The following PHF24 variants were observed in gnomAD, a reference collection of about 807,000 sequenced individuals.
PHF24 encodes Galpha inhibitory interacting protein.
PHF24 carries 25 observed loss-of-function variants against 42.6 expected under a neutral mutation model. The observed-to-expected ratio is 0.59, with a 90% CI of 0.43 to 0.82. The LOEUF (loss-of-function observed/expected upper bound fraction) is 0.82, where lower values mean the gene tolerates loss of function less well. PHF24 is among the 40% of genes least tolerant of loss of function. The pLI, the probability that PHF24 is intolerant of heterozygous loss-of-function variation, is 0.00. For missense variants in PHF24, 470 were observed against 538.1 expected (o/e 0.87, Z 1.25); for synonymous variants, 185 against 204.8 (o/e 0.90, Z 0.83).
chr9:34,821,124 A>G, the PHF24 span, among the ~76,000 whole-genome samples: 1 of 152,210 alleles, frequency 6.6e-6, no homozygotes, highest in Non-Finnish European at 1.5e-5. Flanking sequence ...AAAATCCTGT[A>G]TCACAAGCTT....
At chr9:34,836,025 A>C in the PHF24 span, 1 of 642,216 alleles carries the variant, frequency 1.6e-6, no homozygotes, top group East Asian at 3.3e-5. Flanking sequence ...TTCGCCGCAC[A>C]CTTCCCTCTG....
chr9:34,724,429 C>G, the PHF24 span: 1 of 1,551,128 alleles, frequency 6.4e-7, no homozygotes, highest in South Asian at 1.2e-5. Context: ...GCAATGTCTC[C>G]CCTTGGTGGT....
chr9:34,935,519 G>A, the PHF24 span, among the ~76,000 whole-genome samples: 8,318 of 151,486 alleles, frequency 0.055, 335 homozygotes, highest in South Asian at 0.099. Flanking sequence ...GCTTGAACTC[G>A]GGAGGCAGAG....
chr9:34,937,133 C>G, the PHF24 span, among the ~76,000 whole-genome samples: 1 of 152,082 alleles, frequency 6.6e-6, no homozygotes, highest in Non-Finnish European at 1.5e-5. Flanking sequence ...CCGGCCACCA[C>G]CCCGTCTGGG....
At chr9:34,967,482 A>G (rs1826818815) in intron 1 of PHF24, among the ~76,000 whole-genome samples, 1 of 152,244 alleles carries the variant, frequency 6.6e-6, no homozygotes, top group South Asian at 2.1e-4. Context: ...CACAGTTGAA[A>G]GTTTTGAGAA....
chr9:34,676,533 G>A, the PHF24 span, among the ~76,000 whole-genome samples: 1 of 152,172 alleles, frequency 6.6e-6, no homozygotes, highest in South Asian at 2.1e-4. Flanking sequence ...AGCCAGGGAT[G>A]GTGTACAGAT....
At chr9:34,896,232 A>G in the PHF24 span, among the ~76,000 whole-genome samples, 1 of 152,230 alleles carries the variant, frequency 6.6e-6, no homozygotes, top group Non-Finnish European at 1.5e-5. Flanking sequence ...AGGATAGGGC[A>G]AGCATCATAT....
chr9:34,914,298 T>C, the PHF24 span, among the ~76,000 whole-genome samples: 1 of 152,218 alleles, frequency 6.6e-6, no homozygotes, highest in Admixed American at 6.5e-5. Context: ...TAGGTAGATA[T>C]AGCATTTATT....
chr9:34,857,433 G>T, the PHF24 span, among the ~76,000 whole-genome samples: 1 of 152,208 alleles, frequency 6.6e-6, no homozygotes, highest in Admixed American at 6.5e-5. Context: ...AGGCCCTGAT[G>T]GTGTAAGCTC....
chr9:34,946,352 A>T, the PHF24 span, among the ~76,000 whole-genome samples: 4 of 152,218 alleles, frequency 2.6e-5, no homozygotes, highest in Admixed American at 6.5e-5. Flanking sequence ...AGTCTGATAG[A>T]AACAGATTCT....
At chr9:34,911,012 C>T in the PHF24 span, among the ~76,000 whole-genome samples, 7 of 151,862 alleles carry the variant, frequency 4.6e-5, no homozygotes, top group African/African-American at 7.3e-5. Context: ...TTAGTAAAGA[C>T]GAGATCTCAT....
At chr9:34,767,199 G>C in the PHF24 span, among the ~76,000 whole-genome samples, 8 of 152,212 alleles carry the variant, frequency 5.3e-5, no homozygotes. Flanking sequence ...CAGATCTCCA[G>C]CTGCATGCTG....
chr9:34,821,695 G>T, the PHF24 span, among the ~76,000 whole-genome samples: 4 of 152,188 alleles, frequency 2.6e-5, no homozygotes, highest in African/African-American at 9.6e-5. Context: ...ACACCACTAA[G>T]ATCAGTGACA....
the PHF24 span, among the ~76,000 whole-genome samples, chr9:34,752,840 G>A: frequency 6.6e-6 from 1 of 152,056 alleles, no homozygotes; most frequent in African/African-American, 2.4e-5. Flanking sequence ...CATTCATCAT[G>A]AACAAGTAGA....
the PHF24 span, among the ~76,000 whole-genome samples, chr9:34,675,213 G>A: frequency 6.6e-6 from 1 of 152,110 alleles, no homozygotes; most frequent in Admixed American, 6.6e-5. Context: ...CAATCCGCAA[G>A]GGCCTGCAGG....
chr9:34,837,929 A>G, the PHF24 span, among the ~76,000 whole-genome samples: 1 of 152,180 alleles, frequency 6.6e-6, no homozygotes, highest in Non-Finnish European at 1.5e-5. Flanking sequence ...TCTGATTCCC[A>G]GATAAGTCCT....
At chr9:34,723,282 G>C in the PHF24 span, 1 of 1,551,782 alleles carries the variant, frequency 6.4e-7, no homozygotes, top group Admixed American at 2.0e-5. Flanking sequence ...GGACAGTGAC[G>C]AGGGCAGTGG....
At chr9:34,728,542 C>A in the PHF24 span, 1 of 1,490,648 alleles carries the variant, frequency 6.7e-7, no homozygotes. Flanking sequence ...CCAGAGGTCA[C>A]AGAGGGACAG....
At chr9:34,892,970 G>C in the PHF24 span, 3 of 701,266 alleles carry the variant, frequency 4.3e-6, no homozygotes, top group Non-Finnish European at 5.1e-6. Flanking sequence ...AGACACACTA[G>C]ATGTGGACAA....
Sources: allele counts gnomAD v4.1 joint callset (sites outside exome capture counted in the v4.1 genomes callset), GRCh38; gene constraint gnomAD v4.1.1; transcripts MANE v1.5; gene names NCBI Gene and HGNC (gene_info 2026-07-23, HGNC 2026-07-21).